VPS37C: variants seen among roughly 807,000 people sequenced by gnomAD.
The protein encoded by VPS37C is vacuolar protein sorting-associated protein 37C.
In VPS37C, 9 loss-of-function variants were observed where a neutral mutation model predicts 16.1. That is an observed-to-expected ratio of 0.56 (90% CI 0.34 to 0.97). The LOEUF (loss-of-function observed/expected upper bound fraction) is 0.97, where lower values mean the gene tolerates loss of function less well. Among genes scored for constraint, VPS37C ranks in the 50% least tolerant of loss-of-function variants. The pLI is 0.02. For missense variants in VPS37C, 479 were observed against 472.7 expected, an observed-to-expected ratio of 1.01 and a Z score of -0.12; for synonymous variants, 207 against 206.4, an observed-to-expected ratio of 1.00 and a Z score of -0.02.
intron 1 of VPS37C, among the ~76,000 whole-genome samples, chr11:61,140,278 G>A (rs1471299431): frequency 2.0e-5 from 3 of 152,078 alleles, no homozygotes; most frequent in Non-Finnish European, 2.9e-5. Context: ...AGTAGGAAGC[G>A]AACGGCATCT....
At chr11:61,153,759 C>A (rs1853337472) in intron 1 of VPS37C, among the ~76,000 whole-genome samples, 1 of 152,108 alleles carries the variant, frequency 6.6e-6, no homozygotes, top group Non-Finnish European at 1.5e-5. Context: ...TCCAGGGAGG[C>A]CAGGGTAGCC....
intron 2 of VPS37C, among the ~76,000 whole-genome samples, chr11:61,136,305 C>T (rs1007121003): frequency 1.3e-5 from 2 of 151,808 alleles, no homozygotes; most frequent in African/African-American, 4.8e-5. Flanking sequence ...TCCCTTGTAG[C>T]TGGGACTACA....
Position 61,131,502 on chromosome 11 carries a change from A to T in VPS37C, c.*318T>A. 3.4e-6 allele frequency: 1 copy of T among 291,422 alleles called. No homozygotes were observed. The highest frequency in any genetic ancestry group is 6.3e-6 in the Non-Finnish European group (1 of 158,734). The allele number at this position is 291,422 out of a possible 1,614,324, so 18.1% of individuals were successfully genotyped here. On this transcript the variant is annotated 3_prime_UTR_variant, in exon 5 of 5. Transcript: ENST00000301765. ...TTCAAATGGCCCTGAGTGCAGCCGCAAGTAGATGCTCATAAATGCGCACAT... is the reference window on the plus strand; with the variant it reads ...TTCAAATGGCCCTGAGTGCAGCCGCTAGTAGATGCTCATAAATGCGCACAT...
At chr11:61,139,722 C>G (rs1345005502) in intron 1 of VPS37C, among the ~76,000 whole-genome samples, 1 of 150,060 alleles carries the variant, frequency 6.7e-6, no homozygotes, top group Non-Finnish European at 1.5e-5. Flanking sequence ...TGTATCTCTT[C>G]CAGAGGTGCA....
chr11:61,137,480 A>G (rs1861398441), intron 2 of VPS37C, among the ~76,000 whole-genome samples: 1 of 152,206 alleles, frequency 6.6e-6, no homozygotes, highest in African/African-American at 2.4e-5. Flanking sequence ...CGATTCTGTC[A>G]GCCTGCTCAG....
At chr11:61,145,865 T>C (rs557636324) in intron 1 of VPS37C, among the ~76,000 whole-genome samples, 1 of 152,346 alleles carries the variant, frequency 6.6e-6, no homozygotes, top group East Asian at 1.9e-4. Context: ...TCCAACTACC[T>C]GGGCCCCTCA....
chr11:61,136,537 T>A (rs566104428), intron 2 of VPS37C, among the ~76,000 whole-genome samples: 45 of 152,336 alleles, frequency 3.0e-4, no homozygotes, highest in African/African-American at 1.1e-3. Context: ...ATGCAAAATA[T>A]GCATCAATTT....
chr11:61,145,792 T>C (rs1044496753), intron 1 of VPS37C, among the ~76,000 whole-genome samples: 8 of 151,994 alleles, frequency 5.3e-5, no homozygotes, highest in Non-Finnish European at 8.8e-5. Context: ...AACTAGGGGG[T>C]TCCTGAGATG....
intron 1 of VPS37C, among the ~76,000 whole-genome samples, chr11:61,150,600 G>A (rs778608518): frequency 6.8e-6 from 1 of 147,740 alleles, no homozygotes; most frequent in Non-Finnish European, 1.5e-5. Context: ...AAACCCTACT[G>A]CACAGAACAC....
At chr11:61,154,936 C>A (rs1419817102) in intron 1 of VPS37C, among the ~76,000 whole-genome samples, 1 of 152,034 alleles carries the variant, frequency 6.6e-6, no homozygotes, top group African/African-American at 2.4e-5. Context: ...GAGACCCTGT[C>A]TCTACAAAAA....
intron 1 of VPS37C, among the ~76,000 whole-genome samples, chr11:61,154,183 A>G (rs1853345511): frequency 1.3e-5 from 2 of 152,252 alleles, no homozygotes; most frequent in South Asian, 4.1e-4. Context: ...AACATCTGAT[A>G]TACAATAAAA....
chr11:61,152,771 G>C (rs938290737), intron 1 of VPS37C, among the ~76,000 whole-genome samples: 2 of 152,178 alleles, frequency 1.3e-5, no homozygotes, highest in African/African-American at 4.8e-5. Context: ...GTAAGACAGG[G>C]ATCCTGCCCG....
chr11:61,161,156 C>A (rs990558787), intron 1 of VPS37C: 1 of 152,296 alleles, frequency 6.6e-6, no homozygotes, highest in Non-Finnish European at 1.5e-5. Flanking sequence ...AGGTGCGACC[C>A]GCCGGGGAGC....
intron 1 of VPS37C, among the ~76,000 whole-genome samples, chr11:61,151,137 CG>C (rs971830690): frequency 7.2e-5 from 11 of 152,326 alleles, no homozygotes; most frequent in Non-Finnish European, 1.3e-4. Context: ...TCACTGTGCT[CG>C]GCTGCCTCGA....
intron 1 of VPS37C, among the ~76,000 whole-genome samples, chr11:61,147,777 C>T (rs1853237039): frequency 6.6e-6 from 1 of 152,080 alleles, no homozygotes; most frequent in Admixed American, 6.5e-5. Flanking sequence ...GGCATGCCAG[C>T]CCTAGAGACA....
Position 61,132,158 on chromosome 11 carries a change from T to C in VPS37C, c.730A>G (p.Thr244Ala). The C allele has an allele frequency of 2.7e-6, 4 of 1,457,676 alleles. No individual in the cohort carries two copies. The highest frequency in any genetic ancestry group is 3.6e-6 in the Non-Finnish European group (4 of 1,102,808). 90.3% of individuals were successfully genotyped at this position (1,457,676 alleles called of 1,614,324 possible). The change falls in exon 5 of 5, where the codon ACT (threonine) becomes GCT (alanine). Residue 244 changes from threonine to alanine, a missense_variant. By Grantham distance (58) the Thr-to-Ala change is moderately conservative (BLOSUM62 0). Coordinates refer to ENST00000301765, the MANE Select transcript of VPS37C (RefSeq NM_017966.5). ...GGTCCAAGCTGGGCTGCCGGGTAAG[T>C]GGGGCCCAGAGGCCCGCTGTAGAAG... ...PSFYSGPLGP[T>A]YPAAQLGPRG...
Position 61,132,286 on chromosome 11 carries a change from G to T in VPS37C, c.602C>A (p.Pro201His). 3 of 1,575,152 alleles carry T rather than the reference G, an allele frequency of 1.9e-6. No individual in the cohort carries two copies. The highest frequency in any genetic ancestry group is 2.6e-6 in the Non-Finnish European group (3 of 1,158,042). The change falls in exon 5 of 5, where the codon CCT becomes CAT. Residue 201 changes from proline to histidine, a missense_variant. Coordinates refer to ENST00000301765, the MANE Select transcript of VPS37C (RefSeq NM_017966.5). Reference protein sequence around the residue: ...EEQPQPPLAMPPYPLPYSPSP... With the variant: ...EEQPQPPLAMHPYPLPYSPSP... ...TGGGCTGTAGGGCAAAGGGTAGGGA[G>T]GCATGGCTAATGGTGGCTGCGGCTG... is the stretch of plus-strand genomic sequence containing the variant.
intron 2 of VPS37C, among the ~76,000 whole-genome samples, chr11:61,134,421 C>T (rs1172558576): frequency 2.0e-5 from 3 of 152,168 alleles, no homozygotes; most frequent in South Asian, 4.1e-4. Flanking sequence ...CCACAGCCCA[C>T]GAGGTGGAGA....
chr11:61,151,745 C>G (rs532544257), intron 1 of VPS37C, among the ~76,000 whole-genome samples: 2 of 152,288 alleles, frequency 1.3e-5, no homozygotes, highest in African/African-American at 4.8e-5. Flanking sequence ...TGGCATCAGT[C>G]AACAGAGGAA....
Sources: allele counts gnomAD v4.1 joint callset (sites outside exome capture counted in the v4.1 genomes callset), GRCh38; gene constraint gnomAD v4.1.1; transcripts MANE v1.5; gene names NCBI Gene and HGNC (gene_info 2026-07-23, HGNC 2026-07-21).